Variants in DOCK10 observed in about 807,000 individuals in gnomAD.
The protein encoded by DOCK10 is dedicator of cytokinesis 10.
A neutral mutation model predicts 280.1 loss-of-function variants in DOCK10; 145 were observed. That is an observed-to-expected ratio of 0.52 (90% confidence interval 0.45 to 0.59). The LOEUF (loss-of-function observed/expected upper bound fraction) is 0.59, where lower values mean the gene tolerates loss of function less well. DOCK10 is among the 20% of genes least tolerant of loss of function. The pLI is 0.00. For synonymous variants in DOCK10, 915 were observed against 942.2 expected (o/e 0.97, Z 0.53); for missense variants, 2,368 against 2,651.7 (o/e 0.89, Z 2.35).
intron 1 of DOCK10, among the ~76,000 whole-genome samples, chr2:224,986,143 G>C (rs1316426882): frequency 6.6e-6 from 1 of 152,196 alleles, no homozygotes; most frequent in Non-Finnish European, 1.5e-5. Context: ...CTTGGATGGG[G>C]AGAGGTTTTC....
chr2:225,000,428 G>C (rs900352945), intron 1 of DOCK10, among the ~76,000 whole-genome samples: 1 of 152,220 alleles, frequency 6.6e-6, no homozygotes, highest in Admixed American at 6.5e-5. Context: ...ACATGCGGAA[G>C]AGTGAAAGTT....
intron 11 of DOCK10, among the ~76,000 whole-genome samples, chr2:224,870,353 G>A (rs1698191738): frequency 6.6e-6 from 1 of 152,200 alleles, no homozygotes; most frequent in Non-Finnish European, 1.5e-5. Context: ...CATGAGAACA[G>A]ACTAATACAG....
At chr2:224,921,104 A>AT (rs1553613910) in intron 2 of DOCK10, among the ~76,000 whole-genome samples, 1 of 50,022 alleles carries the variant, frequency 2.0e-5, no homozygotes, top group Admixed American at 2.1e-4. Flanking sequence ...AAAAAAAAAA[A>AT]AAAAAAAAAT....
intron 1 of DOCK10, among the ~76,000 whole-genome samples, chr2:224,939,851 A>T (rs895897648): frequency 3.9e-5 from 6 of 152,262 alleles, no homozygotes; most frequent in African/African-American, 1.4e-4. Context: ...TCCCATAATG[A>T]CAGACCATTC....
intron 4 of DOCK10, among the ~76,000 whole-genome samples, chr2:224,895,839 GTGTA>G (rs1559690550): frequency 1.7e-5 from 2 of 116,188 alleles, no homozygotes; most frequent in African/African-American, 8.1e-5. Flanking sequence ...GTGCGTGTGT[GTGTA>G]TATATATATA....
Position 224,785,543 on chromosome 2 carries a change from C to T in DOCK10, c.5655+1479G>A, listed in dbSNP as rs137869015. Among the ~76,000 whole-genome samples the T allele has an allele frequency of 3.1e-3, 475 of 152,256 alleles. 4 individuals are homozygous for T. Among genetic ancestry groups the T allele is most frequent in the African/African-American group, 0.011 (437 of 41,542 alleles). On this transcript the variant is annotated intron_variant, in intron 50 of 55. Coordinates refer to ENST00000258390, the MANE Select transcript of DOCK10 (RefSeq NM_014689.3). Reference sequence around the variant, plus strand: ...TCACCCAGTCTAGAGTGCAGTGGCGCGATCTCGGCTCACTGCAAGCTCTGC... The same window carrying T: ...TCACCCAGTCTAGAGTGCAGTGGCGTGATCTCGGCTCACTGCAAGCTCTGC...
chr2:225,019,121 G>A (rs1559967053), intron 1 of DOCK10, among the ~76,000 whole-genome samples: 1 of 152,094 alleles, frequency 6.6e-6, no homozygotes, highest in Non-Finnish European at 1.5e-5. Context: ...TTCAGCAATT[G>A]TGTAAGGCAG....
intron 3 of DOCK10, among the ~76,000 whole-genome samples, chr2:224,907,758 G>C (rs1257996027): frequency 1.3e-5 from 2 of 151,952 alleles, no homozygotes; most frequent in African/African-American, 4.8e-5. Context: ...ATCTCCTGGA[G>C]GGTTTAATAT....
chr2:224,873,828 T>G (rs1698452746), intron 11 of DOCK10, among the ~76,000 whole-genome samples, 168 bp downstream of exon 11: 1 of 152,202 alleles, frequency 6.6e-6, no homozygotes, highest in African/African-American at 2.4e-5. Flanking sequence ...TGTTCCACTT[T>G]AGAACTTGTA....
At chr2:224,885,650 G>A (rs770220568) in intron 7 of DOCK10, 21 bp downstream of exon 7, 12 of 1,557,888 alleles carry the variant, frequency 7.7e-6, no homozygotes, top group Middle Eastern at 3.4e-4. Flanking sequence ...ATCCCAAGGA[G>A]GAAAAGGGAT....
chr2:225,001,762 TGTG>T (rs2126285731), intron 1 of DOCK10, among the ~76,000 whole-genome samples: 1 of 152,184 alleles, frequency 6.6e-6, no homozygotes, highest in East Asian at 1.9e-4. Context: ...CGTCGGCAGG[TGTG>T]GTGTCTGTGA....
chr2:224,780,483 G>T (rs575720770), intron 50 of DOCK10, among the ~76,000 whole-genome samples: 34 of 152,264 alleles, frequency 2.2e-4, no homozygotes, highest in Middle Eastern at 3.4e-3. Flanking sequence ...TTCAGGAAAA[G>T]ATTTTTTCTT....
chr2:224,983,734 C>T lies in DOCK10; in HGVS notation c.124-52066G>A, dbSNP rs569088086. On this transcript the variant is annotated intron_variant, in intron 1 of 55. Transcript: ENST00000258390. ...GTTCACCCCAGAGAAGTAAAACATG[C>T]TTCTTTTTCTTTTAAGAAGTACTGG... is the stretch of plus-strand genomic sequence containing the variant. 2.5e-4 allele frequency: 120 copies of T among 470,672 alleles called. 1 individual carries two copies. The highest frequency in any genetic ancestry group is 2.0e-3 in the African/African-American group (101 of 50,080). The allele number at this position is 470,672 out of a possible 1,614,324, so 29.2% of individuals were successfully genotyped here.
intron 1 of DOCK10, among the ~76,000 whole-genome samples, chr2:225,040,824 A>T (rs1690399713): frequency 6.6e-6 from 1 of 152,194 alleles, no homozygotes; most frequent in South Asian, 2.1e-4. Flanking sequence ...AGATTTTCTT[A>T]TCTCTACTTT....
chr2:224,990,050 A>G (rs1706084676), intron 1 of DOCK10, among the ~76,000 whole-genome samples: 1 of 152,200 alleles, frequency 6.6e-6, no homozygotes, highest in South Asian at 2.1e-4. Context: ...TTGCTTTAAA[A>G]ATCAGGTGCT....
intron 17 of DOCK10, 140 bp from the exon 18 acceptor site, chr2:224,852,582 T>C (rs1696816909): frequency 1.4e-6 from 1 of 695,408 alleles, no homozygotes; most frequent in South Asian, 2.0e-5. Context: ...TTATCCATAA[T>C]CTTTTGAAAT....
At chr2:224,945,995 A>T (rs1703393956) in intron 1 of DOCK10, among the ~76,000 whole-genome samples, 1 of 152,182 alleles carries the variant, frequency 6.6e-6, no homozygotes, top group African/African-American at 2.4e-5. Context: ...TGCTCCGAAA[A>T]AGGCAAGCAA....
chr2:224,818,362 CTG>C (rs964079816), intron 29 of DOCK10, among the ~76,000 whole-genome samples: 1 of 149,906 alleles, frequency 6.7e-6, no homozygotes, highest in African/African-American at 2.5e-5. Flanking sequence ...TGACGCATGA[CTG>C]TATTCCTTGT....
At chr2:224,862,559 T>C in intron 14 of DOCK10, 105 bp downstream of exon 14, 1 of 847,334 alleles carries the variant, frequency 1.2e-6, no homozygotes, top group Non-Finnish European at 2.0e-6. Context: ...TTTCTAGGTG[T>C]AGACACATTA....
Sources: gnomAD v4.1 joint callset for allele counts (sites outside exome capture counted in the v4.1 genomes callset) on GRCh38, gnomAD v4.1.1 for gene constraint, MANE v1.5 for transcripts, NCBI Gene and HGNC (gene_info 2026-07-23, HGNC 2026-07-21) for gene names.